NELL2: variants seen among roughly 807,000 people sequenced by gnomAD.
NELL2 encodes protein kinase C-binding protein NELL2.
In NELL2, 41 loss-of-function variants were observed where a neutral mutation model predicts 109.6. The observed-to-expected ratio is 0.37, with a 90% CI of 0.29 to 0.49. NELL2 has a LOEUF of 0.49. Among genes scored for constraint, NELL2 ranks in the 20% least tolerant of loss-of-function variants. NELL2 has a pLI of 0.98. For missense variants in NELL2, 900 were observed against 1,008.3 expected, an observed-to-expected ratio of 0.89 and a Z score of 1.45; for synonymous variants, 355 against 344.7, an observed-to-expected ratio of 1.03 and a Z score of -0.33.
rs558973025 is a variant in NELL2 at position 44,533,496 on chromosome 12, C to CCAAA, written c.1664-779_1664-776dup. On this transcript the variant is annotated intron_variant, in intron 15 of 19. Transcript: ENST00000429094. ...GGCAGAAGGAAATTATGGGATTTAACCAAAGTCACCTAAAAGTTCACAGTG... is the reference window on the plus strand; with the variant it reads ...GGCAGAAGGAAATTATGGGATTTAACCAAACAAAGTCACCTAAAAGTTCACAGTG... Among the ~76,000 whole-genome samples the CCAAA allele has an allele frequency of 9.2e-5, 14 of 152,078 alleles. No individual in the cohort carries two copies. In the South Asian group the frequency reaches 1.9e-3, roughly 20 times the overall value.
chr12:44,803,774 A>T (rs952989350), intron 3 of NELL2, among the ~76,000 whole-genome samples: 2 of 151,996 alleles, frequency 1.3e-5, no homozygotes, highest in African/African-American at 4.8e-5. Flanking sequence ...GAAACTATTC[A>T]TCAATTCAGA....
rs575758386 is a variant in NELL2, at chr12:44,637,627, G to A, written c.1445-26657C>T. 1.9e-3 allele frequency among the ~76,000 whole-genome samples: 288 copies of A among 148,672 alleles called. 1 individual carries two copies. The highest frequency in any genetic ancestry group is 3.4e-3 in the Middle Eastern group (1 of 294). ...GAGAAAAAATTGTTACAAACAGAGG[G>A]AATACGCGTGTAAAGACCTAACTGC... On this transcript the variant is annotated intron_variant, in intron 13 of 19. Transcript: ENST00000429094.
intron 3 of NELL2, among the ~76,000 whole-genome samples, chr12:44,811,504 C>T (rs1033926447): frequency 2.0e-5 from 3 of 151,756 alleles, no homozygotes; most frequent in Non-Finnish European, 4.4e-5. Flanking sequence ...AAGTACGTGC[C>T]GGATTTGAAC....
rs149814856 is a variant in NELL2, at chr12:44,890,771, C to A, written c.39-14871G>T. 1.4e-4 allele frequency among the ~76,000 whole-genome samples: 21 copies of A among 151,854 alleles called. No homozygotes were observed. The East Asian group carries it at 3.7e-3, about 27-fold the overall frequency. ...TTTGATACAGAGTCTCACTCTGTCA[C>A]CCAGGCTGGAGTACAATGGTGGCAT... On this transcript the variant is annotated intron_variant, in intron 1 of 20. Transcript: ENST00000333837.
intron 10 of NELL2, among the ~76,000 whole-genome samples, chr12:44,713,608 G>T (rs145962149): frequency 6.6e-6 from 1 of 151,918 alleles, no homozygotes; most frequent in East Asian, 1.9e-4. Context: ...AAAACTAAAA[G>T]AAGAAGAGAG....
intron 13 of NELL2, among the ~76,000 whole-genome samples, chr12:44,649,249 C>T (rs75625903): frequency 0.059 from 8,988 of 151,148 alleles, 876 homozygotes; most frequent in African/African-American, 0.2. Flanking sequence ...GTCTGCCTGC[C>T]TGCCTGCCTT....
intron 11 of NELL2, among the ~76,000 whole-genome samples, chr12:44,707,120 C>T (rs920017388): frequency 6.6e-6 from 1 of 152,150 alleles, no homozygotes; most frequent in African/African-American, 2.4e-5. Context: ...CGTTATCACT[C>T]ACCCCTACTT....
At chr12:44,752,022 T>A (rs1940674667) in intron 9 of NELL2, among the ~76,000 whole-genome samples, 2 of 152,038 alleles carry the variant, frequency 1.3e-5, no homozygotes, top group Admixed American at 1.3e-4. Flanking sequence ...TGTGTTGGGC[T>A]ACATTCAAAG....
intron 15 of NELL2, among the ~76,000 whole-genome samples, chr12:44,590,707 T>C (rs1361827646): frequency 6.6e-6 from 1 of 152,118 alleles, no homozygotes; most frequent in Non-Finnish European, 1.5e-5. Flanking sequence ...GACATTGGTG[T>C]AAGCAAAGAT....
At chr12:44,867,023 G>T (rs1259056325) in intron 2 of NELL2, among the ~76,000 whole-genome samples, 2 of 152,084 alleles carry the variant, frequency 1.3e-5, no homozygotes, top group Non-Finnish European at 2.9e-5. Flanking sequence ...TCAAAGAAAA[G>T]TCCAAGGCCT....
At chr12:44,561,357 G>T (rs967833232) in intron 15 of NELL2, among the ~76,000 whole-genome samples, 4 of 151,760 alleles carry the variant, frequency 2.6e-5, no homozygotes, top group Admixed American at 1.3e-4. Flanking sequence ...AGCAATAAAG[G>T]GTATTCAAAT....
chr12:44,893,331 T>TA (rs35486326), intron 1 of NELL2, among the ~76,000 whole-genome samples: 43,443 of 152,014 alleles, frequency 0.29, 6,573 homozygotes, highest in East Asian at 0.44. Flanking sequence ...GATATAAAGT[T>TA]AATACATCAA....
rs57205620 is a variant in NELL2, at chr12:44,540,781, C to CAAAAAAAAAAAAAAAAAAAAAAA, written c.1664-8061_1664-8060insTTTTTTTTTTTTTTTTTTTTTTT. 1.7e-3 allele frequency among the ~76,000 whole-genome samples: 83 copies of CAAAAAAAAAAAAAAAAAAAAAAA among 49,734 alleles called. 19 individuals are homozygous for CAAAAAAAAAAAAAAAAAAAAAAA. The highest frequency in any genetic ancestry group is 2.3e-3 in the African/African-American group (27 of 11,984). 32.6% of individuals were successfully genotyped at this position (49,734 alleles called of 152,430 possible). Reference sequence around the variant, plus strand: ...AGCTTACTAATGTAAGTCTGCAAGCCAAAAAAAAAAAAAAAAAGCCCATCC... The same window carrying CAAAAAAAAAAAAAAAAAAAAAAA: ...AGCTTACTAATGTAAGTCTGCAAGCCAAAAAAAAAAAAAAAAAAAAAAAAAAAAAAAAAAAAAAAAGCCCATCC... On this transcript the variant is annotated intron_variant, in intron 15 of 19. Coordinates refer to ENST00000429094, the MANE Select transcript of NELL2 (RefSeq NM_001145108.2).
chr12:44,682,393 CT>C (rs1948544982), intron 12 of NELL2, among the ~76,000 whole-genome samples: 1 of 151,854 alleles, frequency 6.6e-6, no homozygotes, highest in African/African-American at 2.4e-5. Flanking sequence ...ATGGTGGTTA[CT>C]TTTGCTGTGC....
chr12:44,798,916 G>C (rs559388204), intron 3 of NELL2, among the ~76,000 whole-genome samples: 37 of 150,078 alleles, frequency 2.5e-4, no homozygotes, highest in African/African-American at 8.8e-4. Flanking sequence ...ATTCATATAG[G>C]GGAAAAAAGA....
intron 2 of NELL2, among the ~76,000 whole-genome samples, chr12:44,856,495 T>C (rs1179132500): frequency 6.6e-6 from 1 of 152,164 alleles, no homozygotes; most frequent in African/African-American, 2.4e-5. Flanking sequence ...TCTGTGATCA[T>C]TAGAGGCCTC....
intron 3 of NELL2, among the ~76,000 whole-genome samples, chr12:44,791,127 A>ATATG (rs1376837600): frequency 1.0e-5 from 1 of 98,330 alleles, no homozygotes; most frequent in African/African-American, 4.4e-5. Flanking sequence ...ATATGTATAT[A>ATATG]TATATATACA....
At chr12:44,646,231 C>T (rs1947090879) in intron 13 of NELL2, among the ~76,000 whole-genome samples, 2 of 152,212 alleles carry the variant, frequency 1.3e-5, no homozygotes, top group South Asian at 4.1e-4. Context: ...CTTTCCTTCC[C>T]ATTTTATATA....
At chr12:44,802,200 T>C (rs779996891) in intron 3 of NELL2, among the ~76,000 whole-genome samples, 4 of 152,126 alleles carry the variant, frequency 2.6e-5, no homozygotes, top group African/African-American at 7.2e-5. Context: ...CCTGATAAAC[T>C]GGAGGTTGAA....
Sources: allele counts gnomAD v4.1 joint callset (sites outside exome capture counted in the v4.1 genomes callset), GRCh38; gene constraint gnomAD v4.1.1; transcripts MANE v1.5; gene names NCBI Gene and HGNC (gene_info 2026-07-23, HGNC 2026-07-21).